ZNF407: variants seen among roughly 807,000 people sequenced by gnomAD.
ZNF407 encodes the protein zinc finger protein 407.
Under a neutral mutation model 131.2 loss-of-function variants are expected in ZNF407, and 17 were observed. That is an observed-to-expected ratio of 0.13 (90% CI 0.09 to 0.19). The LOEUF is 0.19. Among genes scored for constraint, ZNF407 ranks in the 10% least tolerant of loss-of-function variants. ZNF407 has a pLI of 1.00. For synonymous variants in ZNF407, 1,156 were observed against 1,062.0 expected, an observed-to-expected ratio of 1.09 and a Z score of -1.72; for missense variants, 2,681 against 2,830.6, an observed-to-expected ratio of 0.95 and a Z score of 1.20.
intron 3 of ZNF407, among the ~76,000 whole-genome samples, chr18:74,767,078 A>T (rs1969250590): frequency 6.6e-6 from 1 of 151,934 alleles, no homozygotes; most frequent in Non-Finnish European, 1.5e-5. Flanking sequence ...TGCCTGGCTA[A>T]TTTTTGTATT....
chr18:74,639,398 A>G (rs1984606478), intron 2 of ZNF407, among the ~76,000 whole-genome samples: 1 of 152,222 alleles, frequency 6.6e-6, no homozygotes, highest in African/African-American at 2.4e-5. Flanking sequence ...GAGCATTGAA[A>G]TTTAAAGTGT....
At chr18:74,811,734 T>C (rs1284944754) in intron 4 of ZNF407, among the ~76,000 whole-genome samples, 1 of 151,988 alleles carries the variant, frequency 6.6e-6, no homozygotes, top group African/African-American at 2.4e-5. Context: ...GGGACATGGA[T>C]GAAATTGGAA....
chr18:74,942,237 T>G (rs1972107798), intron 8 of ZNF407, among the ~76,000 whole-genome samples: 1 of 152,230 alleles, frequency 6.6e-6, no homozygotes, highest in Non-Finnish European at 1.5e-5. Flanking sequence ...TTTGAAGCTG[T>G]GAAGTGCGCT....
chr18:74,927,800 A>G (rs923482024), intron 8 of ZNF407, among the ~76,000 whole-genome samples: 2 of 151,054 alleles, frequency 1.3e-5, no homozygotes, highest in Non-Finnish European at 3.0e-5. Flanking sequence ...ATTAAGGATA[A>G]TGAATCTCAT....
intron 4 of ZNF407, among the ~76,000 whole-genome samples, chr18:74,785,102 TGTCATAAA>T (rs1969678297): frequency 6.6e-6 from 1 of 152,246 alleles, no homozygotes; most frequent in South Asian, 2.1e-4. Flanking sequence ...TAGATGCGTG[TGTCATAAA>T]GTATAAGCGT....
intron 8 of ZNF407, among the ~76,000 whole-genome samples, chr18:74,992,335 G>A (rs2122139885): frequency 6.6e-6 from 1 of 152,336 alleles, no homozygotes; most frequent in Non-Finnish European, 1.5e-5. Context: ...TGGGTGGGGA[G>A]GAGACAGGCA....
intron 3 of ZNF407, among the ~76,000 whole-genome samples, chr18:74,755,771 TTCTCTCTCTC>T (rs112828430): frequency 2.5e-4 from 33 of 130,566 alleles, no homozygotes; most frequent in South Asian, 7.8e-4. Context: ...CTTTCTTTCT[TTCTCTCTCTC>T]TCTTTCCTTC....
At chr18:74,728,375 G>T (rs1328260448) in intron 3 of ZNF407, among the ~76,000 whole-genome samples, 1 of 152,196 alleles carries the variant, frequency 6.6e-6, no homozygotes, top group African/African-American at 2.4e-5. Flanking sequence ...GTCACTTTCT[G>T]TGAGATGGAC....
intron 4 of ZNF407, among the ~76,000 whole-genome samples, chr18:74,798,188 C>T (rs1450732890): frequency 7.6e-6 from 1 of 130,986 alleles, no homozygotes; most frequent in African/African-American, 2.9e-5. Flanking sequence ...TACAGGTATT[C>T]TTTCTTTCTT....
At chr18:75,025,196 C>G (rs1261940639) in intron 8 of ZNF407, among the ~76,000 whole-genome samples, 2 of 152,150 alleles carry the variant, frequency 1.3e-5, no homozygotes, top group African/African-American at 4.8e-5. Context: ...ATATGTACAG[C>G]TTGGCAAAAT....
At position 74,752,982 on chromosome 18, in the gene ZNF407, T is replaced by C. The variant is rs570124413; in HGVS notation, c.4803-28446T>C. Among the ~76,000 whole-genome samples, 3 of 152,150 alleles carry C rather than the reference T, an allele frequency of 2.0e-5. No individual in the cohort carries two copies. The East Asian group carries it at 5.8e-4, about 29-fold the overall frequency. ...ACCTTGGGCAGTATGGCCATTTTCA[T>C]GGTATTGATTCTTCCTATCCATGAG... is the stretch of plus-strand genomic sequence containing the variant. On this transcript the variant is annotated intron_variant, in intron 3 of 8. Transcript: ENST00000299687.
chr18:74,866,606 G>T (rs993363195), intron 4 of ZNF407, among the ~76,000 whole-genome samples: 1 of 151,780 alleles, frequency 6.6e-6, no homozygotes, highest in African/African-American at 2.4e-5. Context: ...CAAACATAGC[G>T]TATTTGATTG....
intron 3 of ZNF407, among the ~76,000 whole-genome samples, chr18:74,738,137 T>C (rs1968460519): frequency 6.6e-6 from 1 of 151,980 alleles, no homozygotes; most frequent in African/African-American, 2.4e-5. Context: ...AAAGGGGACG[T>C]TGGGCCAGGT....
intron 3 of ZNF407, among the ~76,000 whole-genome samples, chr18:74,663,235 C>A (rs557470639): frequency 1.7e-4 from 26 of 152,070 alleles, no homozygotes; most frequent in African/African-American, 6.3e-4. Flanking sequence ...AGATGCTTGT[C>A]CCCGGGTAGC....
chr18:74,698,099 A>G (rs1464325524), intron 3 of ZNF407, among the ~76,000 whole-genome samples: 1 of 152,238 alleles, frequency 6.6e-6, no homozygotes, highest in Non-Finnish European at 1.5e-5. Context: ...TCATCCTAAA[A>G]GCGATCTATT....
chr18:74,819,148 A>G (rs1599175005), intron 4 of ZNF407, among the ~76,000 whole-genome samples: 1 of 152,286 alleles, frequency 6.6e-6, no homozygotes, highest in East Asian at 1.9e-4. Context: ...TTGAAACTGT[A>G]GGGAGTTTAC....
rs1568317532 is a variant in ZNF407 at position 75,064,534 on chromosome 18, G to A, written c.*66G>A. ...AGGTCCAGCTTCGGTGGGGGACCGT[G>A]TTCCCTGAGCTTCATCTGAAACCTT... is the stretch of plus-strand genomic sequence containing the variant. On this transcript the variant is annotated 3_prime_UTR_variant, in exon 9 of 9. Transcript: ENST00000299687. 3.7e-6 allele frequency: 5 copies of A among 1,337,406 alleles called. No homozygotes were observed. The highest frequency in any genetic ancestry group is 5.0e-6 in the Non-Finnish European group (5 of 1,000,292). The allele number at this position is 1,337,406 out of a possible 1,614,324, so 82.8% of individuals were successfully genotyped here.
At chr18:74,822,956 G>A (rs891293571) in intron 4 of ZNF407, among the ~76,000 whole-genome samples, 1 of 152,112 alleles carries the variant, frequency 6.6e-6, no homozygotes, top group Admixed American at 6.5e-5. Flanking sequence ...GCATTGGTTT[G>A]TAGTTCTCCT....
chr18:74,605,641 C>T (rs770575423), intron 1 of ZNF407, among the ~76,000 whole-genome samples: 3 of 152,094 alleles, frequency 2.0e-5, no homozygotes, highest in East Asian at 3.8e-4. Context: ...TACCCTGAAT[C>T]GTCAAGAAAA....
Sources: gnomAD v4.1 joint callset for allele counts (sites outside exome capture counted in the v4.1 genomes callset) on GRCh38, gnomAD v4.1.1 for gene constraint, MANE v1.5 for transcripts, NCBI Gene and HGNC (gene_info 2026-07-23, HGNC 2026-07-21) for gene names.